Variants in DLGAP2 observed in about 807,000 individuals in gnomAD.
The protein encoded by DLGAP2 is DLG associated protein 2.
Under a neutral mutation model 100.3 loss-of-function variants are expected in DLGAP2, and 26 were observed. The ratio of observed to expected loss-of-function variants is 0.26; its 90% CI spans 0.19 to 0.36. DLGAP2 has a LOEUF of 0.36. DLGAP2 is among the 10% of genes least tolerant of loss of function. The pLI is 1.00. For synonymous variants in DLGAP2, 886 were observed against 630.1 expected, an observed-to-expected ratio of 1.41 and a Z score of -6.08; for missense variants, 1,858 against 1,453.2, an observed-to-expected ratio of 1.28 and a Z score of -4.53.
intron 1 of DLGAP2, among the ~76,000 whole-genome samples, chr8:794,992 C>A (rs953561630): frequency 6.6e-6 from 1 of 152,154 alleles, no homozygotes; most frequent in Non-Finnish European, 1.5e-5. Context: ...ATAGGGACTT[C>A]CCTGTTTTGA....
chr8:1,350,197 AGTGTG>A (rs1241886853), intron 3 of DLGAP2, among the ~76,000 whole-genome samples: 3 of 150,350 alleles, frequency 2.0e-5, no homozygotes, highest in Non-Finnish European at 3.0e-5. Flanking sequence ...GCGGGTCCTG[AGTGTG>A]CGTGGAAAGG....
At chr8:1,319,036 G>A (rs73670750) in intron 3 of DLGAP2, among the ~76,000 whole-genome samples, 2,870 of 148,890 alleles carry the variant, frequency 0.019, 82 homozygotes, top group African/African-American at 0.058. Context: ...GCTCGGTGGC[G>A]AACAATGGGC....
In DLGAP2 at chr8:1,702,922, G is replaced by A. The variant is rs1332397540; in HGVS notation, c.*1516G>A. On this transcript the variant is annotated 3_prime_UTR_variant, in exon 15 of 15. Coordinates refer to ENST00000637795, the MANE Select transcript of DLGAP2 (RefSeq NM_001346810.2). ...AGGAGTACCATGTACTTAGCCACAG[G>A]CAGAATAGCTTTCGATGACCCCATA... The A allele has an allele frequency of 6.6e-6, 1 of 152,634 alleles. No individual in the cohort carries two copies. Among genetic ancestry groups the A allele is most frequent in the Non-Finnish European group, 1.5e-5 (1 of 68,050 alleles). The allele number at this position is 152,634 out of a possible 1,614,324, so 9.5% of individuals were successfully genotyped here. A position where few individuals can be genotyped will look rare whatever the true frequency, so the allele number is the denominator to read the frequency against.
chr8:845,203 T>C (rs537915388), intron 1 of DLGAP2, among the ~76,000 whole-genome samples: 58 of 152,332 alleles, frequency 3.8e-4, no homozygotes, highest in African/African-American at 1.2e-3. Flanking sequence ...TGTTTGAACA[T>C]TTTCAGGACG....
At chr8:1,364,010 G>C (rs1046727209) in intron 3 of DLGAP2, among the ~76,000 whole-genome samples, 1 of 152,186 alleles carries the variant, frequency 6.6e-6, no homozygotes, top group African/African-American at 2.4e-5. Flanking sequence ...GGTGCACCAG[G>C]TGGTACCCCT....
rs77974211 is a variant in DLGAP2, at chr8:1,060,129, G to A, written c.73+152163G>A. On this transcript the variant is annotated intron_variant, in intron 2 of 14. Transcript: ENST00000637795. ...AGGGTCAGATGTGAACCACGGAGTG[G>A]GTGCTTGGAAAAGCCTCAGGGCGTG... 9.2e-5 allele frequency among the ~76,000 whole-genome samples: 14 copies of A among 152,310 alleles called. No homozygotes were observed. The East Asian group carries it at 1.5e-3, about 17-fold the overall frequency.
At position 976,329 on chromosome 8, in the gene DLGAP2, A is replaced by C. The variant is rs114278607; in HGVS notation, c.73+68363A>C. On this transcript the variant is annotated intron_variant, in intron 2 of 14. Coordinates refer to ENST00000637795, the MANE Select transcript of DLGAP2 (RefSeq NM_001346810.2). ...AAAGCCCAGAAAATAGACTCAGTGC[A>C]GGCCGGGCGTGATGGTTCAAGCGTG... Among the ~76,000 whole-genome samples, 1,185 of 152,310 alleles carry C rather than the reference A, an allele frequency of 7.8e-3. 19 individuals are homozygous for C. Among genetic ancestry groups the C allele is most frequent in the African/African-American group, 0.027 (1,128 of 41,574 alleles).
chr8:1,344,145 G>A (rs1801495306), intron 3 of DLGAP2, among the ~76,000 whole-genome samples: 1 of 151,408 alleles, frequency 6.6e-6, no homozygotes, highest in Admixed American at 6.6e-5. Context: ...CGTGTACTCG[G>A]GGCCCTGTCG....
At chr8:1,295,779 C>T (rs1175317684) in intron 3 of DLGAP2, among the ~76,000 whole-genome samples, 2 of 152,200 alleles carry the variant, frequency 1.3e-5, no homozygotes, top group African/African-American at 4.8e-5. Flanking sequence ...TCCCAGCCAT[C>T]GTCCCCTCGT....
At chr8:1,466,245 G>C (rs1288077777) in intron 3 of DLGAP2, among the ~76,000 whole-genome samples, 2 of 152,102 alleles carry the variant, frequency 1.3e-5, no homozygotes, top group Non-Finnish European at 2.9e-5. Context: ...AGTGGGCTTT[G>C]CTTTTTTATC....
At chr8:1,000,682 C>T (rs1229474834) in intron 2 of DLGAP2, among the ~76,000 whole-genome samples, 1 of 152,164 alleles carries the variant, frequency 6.6e-6, no homozygotes, top group East Asian at 1.9e-4. Flanking sequence ...TTACTGTTTG[C>T]TTTGATGTGG....
chr8:1,206,273 C>G (rs1394585687), intron 2 of DLGAP2, among the ~76,000 whole-genome samples: 1 of 151,942 alleles, frequency 6.6e-6, no homozygotes, highest in Non-Finnish European at 1.5e-5. Context: ...TCCAGCCATC[C>G]ATGGGCTGGG....
At chr8:1,328,345 G>C (rs973473861) in intron 3 of DLGAP2, among the ~76,000 whole-genome samples, 3 of 151,778 alleles carry the variant, frequency 2.0e-5, no homozygotes, top group African/African-American at 4.8e-5. Context: ...TTGAGATGGA[G>C]TCTCACTGTG....
chr8:1,519,944 C>T (rs1800529654), intron 4 of DLGAP2, among the ~76,000 whole-genome samples: 1 of 152,240 alleles, frequency 6.6e-6, no homozygotes, highest in African/African-American at 2.4e-5. Flanking sequence ...CCACACCTGC[C>T]CTGGGAGCCT....
intron 5 of DLGAP2, among the ~76,000 whole-genome samples, chr8:1,554,320 A>G (rs1801882936): frequency 1.3e-5 from 2 of 152,108 alleles, no homozygotes; most frequent in South Asian, 4.1e-4. Flanking sequence ...AAATAAATAA[A>G]TAAATAAAAT....
chr8:1,230,249 G>C (rs12156189), intron 2 of DLGAP2, among the ~76,000 whole-genome samples: 88,607 of 152,014 alleles, frequency 0.58, 27,278 homozygotes, highest in East Asian at 0.79. Context: ...AATCAAGAAC[G>C]CTATCCTATT....
rs575366430 is a variant in DLGAP2 at position 1,186,354 on chromosome 8, G to A, written c.74-72497G>A. Among the ~76,000 whole-genome samples the A allele has an allele frequency of 2.0e-4, 31 of 152,296 alleles. 1 individual carries two copies. The highest frequency in any genetic ancestry group is 1.7e-3 in the Admixed American group (26 of 15,302). On this transcript the variant is annotated intron_variant, in intron 2 of 14. Coordinates refer to ENST00000637795, the MANE Select transcript of DLGAP2 (RefSeq NM_001346810.2). The stretch of plus-strand genomic sequence containing the variant: ...TTTCCTCCTTATTCTAACCAGCATC[G>A]ACATAGAATCTGCCAGCAGCAAAAC...
chr8:856,079 A>G (rs1307502112), intron 1 of DLGAP2, among the ~76,000 whole-genome samples: 1 of 152,132 alleles, frequency 6.6e-6, no homozygotes, highest in Non-Finnish European at 1.5e-5. Context: ...AATAAAAGAT[A>G]TGCATATTGG....
chr8:1,325,636 C>T (rs1034991741), intron 3 of DLGAP2, among the ~76,000 whole-genome samples: 2 of 152,192 alleles, frequency 1.3e-5, no homozygotes, highest in Non-Finnish European at 1.5e-5. Flanking sequence ...CCCTACAGGG[C>T]CTGAACGGAG....
Sources: allele counts gnomAD v4.1 joint callset (sites outside exome capture counted in the v4.1 genomes callset), GRCh38; gene constraint gnomAD v4.1.1; transcripts MANE v1.5; gene names NCBI Gene and HGNC (gene_info 2026-07-23, HGNC 2026-07-21).